Variants in OR52M1 observed in about 807,000 individuals in gnomAD.
The protein encoded by OR52M1 is olfactory receptor 52M1.
In OR52M1, 2 loss-of-function variants were observed where a neutral mutation model predicts 1.3. The ratio of observed to expected loss-of-function variants is 1.59; its 90% CI spans 0.65 to 5.01. OR52M1 has a LOEUF of 5.01. Among genes scored for constraint, OR52M1 ranks in the 30% most tolerant of loss-of-function variants. The pLI is 0.06. For missense variants in OR52M1, 585 were observed against 403.7 expected (o/e 1.45, Z -3.85); for synonymous variants, 234 against 151.4 (o/e 1.55, Z -4.01).
Position 4,545,195 on chromosome 11 carries a change from T to A in OR52M1, c.5T>A (p.Leu2His). 1.3e-6 allele frequency: 2 copies of A among 1,572,184 alleles called. No homozygotes were observed. Among genetic ancestry groups the A allele is most frequent in the African/African-American group, 1.4e-5 (1 of 73,464 alleles). ...AAGGTTCACATATAAATAGCCATGC[T>A]CACTTTTCATAATGTCTGCTCAGTA... The part of the protein sequence containing the change: M[L>H]TFHNVCSVPS... The change falls in exon 1 of 1, where the codon CTC becomes CAC. Residue 2 changes from leucine (L) to histidine (H), a missense_variant. Coordinates refer to ENST00000360213, the MANE Select transcript of OR52M1 (RefSeq NM_001004137.1).
rs751783645 is a variant in OR52M1, at chr11:4,545,483, C to T, written c.293C>T (p.Ala98Val). ...GGTGCTTGTGACATTGGCCTGGACG[C>T]CTGCTTGGGCCAAATGTTCCTTATC... is the stretch of plus-strand genomic sequence containing the variant. ...WFGACDIGLD[A>V]CLGQMFLIHC... Residue 98 changes from alanine (A) to valine (V), a missense_variant, in exon 1 of 1, where the codon GCC becomes GTC. By Grantham distance (64) the Ala-to-Val change is moderately conservative. Coordinates refer to ENST00000360213, the MANE Select transcript of OR52M1 (RefSeq NM_001004137.1). 7 of 1,614,106 alleles carry T rather than the reference C, an allele frequency of 4.3e-6. No individual in the cohort carries two copies. Among genetic ancestry groups the T allele is most frequent in the South Asian group, 1.1e-5 (1 of 91,064 alleles).
rs1406340694 is a variant in OR52M1 at position 4,545,890 on chromosome 11, C to CCTGAG, written c.701_705dup (p.Ala236LeufsTer19). On this transcript the variant is annotated frameshift_variant, in exon 1 of 1. Transcript: ENST00000360213. LOFTEE classifies it high-confidence loss of function. Reference sequence around the variant, plus strand: ...CAGGGCCGTGATGGGGTTAGCCACTCCTGAGGCTAGGCTTAAAACCCTGGG... The same window carrying CCTGAG: ...CAGGGCCGTGATGGGGTTAGCCACTCCTGAGCTGAGGCTAGGCTTAAAACCCTGGG... 4 of 1,614,070 alleles carry CCTGAG rather than the reference C, an allele frequency of 2.5e-6. No individual in the cohort carries two copies. Among genetic ancestry groups the CCTGAG allele is most frequent in the Non-Finnish European group, 3.4e-6 (4 of 1,179,984 alleles).
chr11:4,545,535 C>A lies in OR52M1; in HGVS notation c.345C>A (p.Gly115=). ...ACTGCTTTGCCACTGTTGAGTCAGGCATCTTCCTTGCCATGGCTTTTGATC... is the reference window on the plus strand; with the variant it reads ...ACTGCTTTGCCACTGTTGAGTCAGGAATCTTCCTTGCCATGGCTTTTGATC... ...LIHCFATVES[G]IFLAMAFDRY... Residue 115 remains glycine (G), a synonymous_variant, in exon 1 of 1, where the codon GGC becomes GGA. Coordinates refer to ENST00000360213, the MANE Select transcript of OR52M1 (RefSeq NM_001004137.1). 1 of 1,612,636 alleles carries A rather than the reference C, an allele frequency of 6.2e-7. No homozygotes were observed. The highest frequency in any genetic ancestry group is 8.5e-7 in the Non-Finnish European group (1 of 1,179,228).
rs768730986 is a variant in OR52M1 at position 4,545,895 on chromosome 11, G to T, written c.705G>T (p.Glu235Asp). 1.2e-6 allele frequency: 2 copies of T among 1,614,114 alleles called. No individual in the cohort carries two copies. Among genetic ancestry groups the T allele is most frequent in the Non-Finnish European group, 1.7e-6 (2 of 1,180,024 alleles). The change falls in exon 1 of 1, where the codon GAG (glutamate) becomes GAT (aspartate). Residue 235 changes from glutamate (E) to aspartate (D), a missense_variant. Coordinates refer to ENST00000360213, the MANE Select transcript of OR52M1 (RefSeq NM_001004137.1). Reference protein sequence around the residue: ...FRAVMGLATPEARLKTLGTCA... With the variant: ...FRAVMGLATPDARLKTLGTCA... ...CCGTGATGGGGTTAGCCACTCCTGA[G>T]GCTAGGCTTAAAACCCTGGGGACAT...
Position 4,545,878 on chromosome 11 carries a change from G to A in OR52M1, c.688G>A (p.Gly230Arg), listed in dbSNP as rs1222192678. 1.1e-5 allele frequency: 17 copies of A among 1,614,084 alleles called. No homozygotes were observed. Among genetic ancestry groups the A allele is most frequent in the Non-Finnish European group, 1.4e-5 (17 of 1,180,020 alleles). The change falls in exon 1 of 1, where the codon GGG becomes AGG. Residue 230 changes from glycine (G) to arginine (R), a missense_variant. Transcript: ENST00000360213. ...TGTGATGATTTTCAGGGCCGTGATG[G>A]GGTTAGCCACTCCTGAGGCTAGGCT... The part of the protein sequence containing the change: ...SYVMIFRAVM[G>R]LATPEARLKT...
chr11:4,545,637 T>C lies in OR52M1; in HGVS notation c.447T>C (p.Val149=), dbSNP rs1349376861. The C allele has an allele frequency of 1.9e-6, 3 of 1,613,700 alleles. No individual in the cohort carries two copies. The highest frequency in any genetic ancestry group is 2.5e-6 in the Non-Finnish European group (3 of 1,179,828). Residue 149 remains valine, a synonymous_variant, in exon 1 of 1, where the codon GTT becomes GTC. Coordinates refer to ENST00000360213, the MANE Select transcript of OR52M1 (RefSeq NM_001004137.1). ...CAGTGGTGGGTCGTTTGGGGCTTGTTTCTCTCCTCCGGGGTGTTCTCTACA... is the reference window on the plus strand; with the variant it reads ...CAGTGGTGGGTCGTTTGGGGCTTGTCTCTCTCCTCCGGGGTGTTCTCTACA... The part of the protein sequence containing the change: ...TYTVVGRLGL[V]SLLRGVLYIG...
chr11:4,546,079 G>A lies in OR52M1; in HGVS notation c.889G>A (p.Val297Ile), dbSNP rs1846953671. The change falls in exon 1 of 1, where the codon GTT (valine) becomes ATT (isoleucine). Residue 297 changes from valine to isoleucine, a missense_variant. Physicochemically the swap from Val to Ile is conservative, Grantham distance 29 (BLOSUM62 3). Transcript: ENST00000360213. The stretch of plus-strand genomic sequence containing the variant: ...AATCCTCAATCCCATTGTCTATGCT[G>A]TTCGCACCAAGCAGATCCGAGAGAG... ...PPILNPIVYA[V>I]RTKQIRESLL... The A allele has an allele frequency of 6.2e-7, 1 of 1,613,720 alleles. No homozygotes were observed. The highest frequency in any genetic ancestry group is 8.5e-7 in the Non-Finnish European group (1 of 1,179,910).
Position 4,546,033 on chromosome 11 carries a change from C to G in OR52M1, c.843C>G (p.Asn281Lys). The change falls in exon 1 of 1, where the codon AAC becomes AAG. Residue 281 changes from asparagine (N) to lysine (K), a missense_variant. Physicochemically the swap from Asn to Lys is moderately conservative, Grantham distance 94. Transcript: ENST00000360213. Reference protein sequence around the residue: ...VPPPVHTLLANFYLLIPPILN... With the variant: ...VPPPVHTLLAKFYLLIPPILN... ...CTCCAGTCCACACTCTGCTGGCCAA[C>G]TTCTATCTCCTCATTCCTCCAATCC... The G allele has an allele frequency of 1.9e-6, 3 of 1,614,120 alleles. No individual in the cohort carries two copies.
At position 4,545,853 on chromosome 11, in the gene OR52M1, T is replaced by C. The variant is rs761852142; in HGVS notation, c.663T>C (p.Tyr221=). 20 of 1,614,056 alleles carry C rather than the reference T, an allele frequency of 1.2e-5. No homozygotes were observed. The highest frequency in any genetic ancestry group is 2.7e-5 in the African/African-American group (2 of 74,920). The change falls in exon 1 of 1, where the codon TAT becomes TAC. Residue 221 remains tyrosine, a synonymous_variant. Transcript: ENST00000360213. ...ACTCAGTGGCTATTGCTGCATCCTA[T>C]GTGATGATTTTCAGGGCCGTGATGG... ...ILDSVAIAAS[Y]VMIFRAVMGL... is the part of the protein sequence containing the mutation.
chr11:4,545,381 T>G lies in OR52M1; in HGVS notation c.191T>G (p.Phe64Cys), dbSNP rs1846939051. Residue 64 changes from phenylalanine (F) to cysteine (C), a missense_variant, in exon 1 of 1, where the codon TTC becomes TGC. Physicochemically the swap from Phe to Cys is radical, Grantham distance 205 (BLOSUM62 -2). Coordinates refer to ENST00000360213, the MANE Select transcript of OR52M1 (RefSeq NM_001004137.1). ...AGCCTGCACCAGCCCATGTACTTTTTCTTGTGCATGTTGGCTGCCATTGAC... is the reference window on the plus strand; with the variant it reads ...AGCCTGCACCAGCCCATGTACTTTTGCTTGTGCATGTTGGCTGCCATTGAC... ...ERSLHQPMYF[F>C]LCMLAAIDLV... 1.9e-6 allele frequency: 3 copies of G among 1,614,146 alleles called. No homozygotes were observed. The Admixed American group carries it at 5.0e-5, about 27-fold the overall frequency.
Position 4,545,194 on chromosome 11 carries a change from C to G in OR52M1, c.4C>G (p.Leu2Val), listed in dbSNP as rs1298634167. 2 of 1,570,050 alleles carry G rather than the reference C, an allele frequency of 1.3e-6. No individual in the cohort carries two copies. The highest frequency in any genetic ancestry group is 1.4e-5 in the African/African-American group (1 of 73,256). Reference sequence around the variant, plus strand: ...GAAGGTTCACATATAAATAGCCATGCTCACTTTTCATAATGTCTGCTCAGT... The same window carrying G: ...GAAGGTTCACATATAAATAGCCATGGTCACTTTTCATAATGTCTGCTCAGT... Reference protein sequence around the residue: MLTFHNVCSVPS... With the variant: MVTFHNVCSVPS... The change falls in exon 1 of 1, where the codon CTC (leucine) becomes GTC (valine). Residue 2 changes from leucine to valine, a missense_variant. Leu to Val is a conservative substitution (Grantham distance 32). Coordinates refer to ENST00000360213, the MANE Select transcript of OR52M1 (RefSeq NM_001004137.1).
Position 4,545,968 on chromosome 11 carries a change from G to C in OR52M1, c.778G>C (p.Val260Leu), listed in dbSNP as rs367731643. The change falls in exon 1 of 1, where the codon GTT (valine) becomes CTT (leucine). Residue 260 changes from valine (V) to leucine (L), a missense_variant. Transcript: ENST00000360213. ...CCTGATCTTTTATGTTCCCATTGCTGTTTCTTCCCTGATTCACCGATTTGG... is the reference window on the plus strand; with the variant it reads ...CCTGATCTTTTATGTTCCCATTGCTCTTTCTTCCCTGATTCACCGATTTGG... ...AILIFYVPIA[V>L]SSLIHRFGQC... 3 of 1,614,048 alleles carry C rather than the reference G, an allele frequency of 1.9e-6. No homozygotes were observed. Among genetic ancestry groups the C allele is most frequent in the Middle Eastern group, 1.6e-4 (1 of 6,062 alleles).
rs750155291 is a variant in OR52M1, at chr11:4,545,813, T to A, written c.623T>A (p.Leu208Gln). 6.2e-7 allele frequency: 1 copy of A among 1,614,110 alleles called. No homozygotes were observed. The highest frequency in any genetic ancestry group is 1.3e-5 in the African/African-American group (1 of 74,940). Residue 208 changes from leucine (L) to glutamine (Q), a missense_variant, in exon 1 of 1, where the codon CTG (leucine) becomes CAG (glutamine). Physicochemically the swap from Leu to Gln is moderately radical, Grantham distance 113. Transcript: ENST00000360213. ...GTCTATGGGCTGAGCATCGGCTTTCTGGTGTTGATCCTGGACTCAGTGGCT... is the reference window on the plus strand; with the variant it reads ...GTCTATGGGCTGAGCATCGGCTTTCAGGTGTTGATCCTGGACTCAGTGGCT... ...NNVYGLSIGF[L>Q]VLILDSVAIA... is the part of the protein sequence containing the mutation.
rs1435904504 is a variant in OR52M1 at position 4,545,465 on chromosome 11, G to A, written c.275G>A (p.Cys92Tyr). 1 of 1,614,202 alleles carries A rather than the reference G, an allele frequency of 6.2e-7. No homozygotes were observed. Among genetic ancestry groups the A allele is most frequent in the Non-Finnish European group, 8.5e-7 (1 of 1,180,016 alleles). Residue 92 changes from cysteine (C) to tyrosine (Y), a missense_variant, in exon 1 of 1, where the codon TGT (cysteine) becomes TAT (tyrosine). Transcript: ENST00000360213. ...CTGGGAATCTTCTGGTTCGGTGCTTGTGACATTGGCCTGGACGCCTGCTTG... is the reference window on the plus strand; with the variant it reads ...CTGGGAATCTTCTGGTTCGGTGCTTATGACATTGGCCTGGACGCCTGCTTG... ...KLLGIFWFGA[C>Y]DIGLDACLGQ...
At position 4,545,698 on chromosome 11, in the gene OR52M1, C is replaced by T; in HGVS notation, c.508C>T (p.Pro170Ser). 6.2e-7 allele frequency: 1 copy of T among 1,613,180 alleles called. No individual in the cohort carries two copies. Among genetic ancestry groups the T allele is most frequent in the Non-Finnish European group, 8.5e-7 (1 of 1,179,580 alleles). ...PLPLMIRLRL[P>S]LYKTHVISHS... Reference sequence around the variant, plus strand: ...GCCTCTGATGATCCGCCTGCGGCTGCCCCTTTATAAAACCCATGTTATCTC... The same window carrying T: ...GCCTCTGATGATCCGCCTGCGGCTGTCCCTTTATAAAACCCATGTTATCTC... The change falls in exon 1 of 1, where the codon CCC (proline) becomes TCC (serine). Residue 170 changes from proline (P) to serine (S), a missense_variant. By Grantham distance (74) the Pro-to-Ser change is moderately conservative. Transcript: ENST00000360213.
In OR52M1 at chr11:4,545,300, A is replaced by G. The variant is rs760717450; in HGVS notation, c.110A>G (p.Tyr37Cys). The G allele has an allele frequency of 6.2e-7, 1 of 1,614,082 alleles. No individual in the cohort carries two copies. Among genetic ancestry groups the G allele is most frequent in the South Asian group, 1.1e-5 (1 of 91,070 alleles). The change falls in exon 1 of 1, where the codon TAC becomes TGC. Residue 37 changes from tyrosine to cysteine, a missense_variant. Coordinates refer to ENST00000360213, the MANE Select transcript of OR52M1 (RefSeq NM_001004137.1). The part of the protein sequence containing the change: ...VWLSIPFGSM[Y>C]LVAVVGNVTI... The stretch of plus-strand genomic sequence containing the variant: ...CTCTCCATCCCCTTTGGCTCCATGT[A>G]CCTGGTGGCTGTGGTGGGGAATGTG...
Position 4,545,432 on chromosome 11 carries a change from C to A in OR52M1, c.242C>A (p.Pro81His), listed in dbSNP as rs1408030892. The change falls in exon 1 of 1, where the codon CCC becomes CAC. Residue 81 changes from proline (P) to histidine (H), a missense_variant. Physicochemically the swap from Pro to His is moderately conservative, Grantham distance 77. Transcript: ENST00000360213. ...CTGGTTCTGTCTACTTCCACTATAC[C>A]CAAACTTCTGGGAATCTTCTGGTTC... ...IDLVLSTSTIPKLLGIFWFGA... is the reference protein window; with the variant it reads ...IDLVLSTSTIHKLLGIFWFGA... 8 of 1,614,150 alleles carry A rather than the reference C, an allele frequency of 5.0e-6. No homozygotes were observed. The highest frequency in any genetic ancestry group is 6.8e-6 in the Non-Finnish European group (8 of 1,180,010).
rs775331137 is a variant in OR52M1 at position 4,546,039 on chromosome 11, T to C, written c.849T>C (p.Tyr283=). 5.0e-6 allele frequency: 8 copies of C among 1,614,150 alleles called. No homozygotes were observed. The highest frequency in any genetic ancestry group is 6.8e-6 in the Non-Finnish European group (8 of 1,180,000). The stretch of plus-strand genomic sequence containing the variant: ...TCCACACTCTGCTGGCCAACTTCTA[T>C]CTCCTCATTCCTCCAATCCTCAATC... ...PPVHTLLANF[Y]LLIPPILNPI... The change falls in exon 1 of 1, where the codon TAT becomes TAC. Residue 283 remains tyrosine, a synonymous_variant. Transcript: ENST00000360213.
rs538523839 is a variant in OR52M1 at position 4,546,082 on chromosome 11, C to T, written c.892C>T (p.Arg298Cys). 69 of 1,613,518 alleles carry T rather than the reference C, an allele frequency of 4.3e-5. No homozygotes were observed. The Admixed American group carries it at 4.5e-4, about 11-fold the overall frequency. ...PILNPIVYAVRTKQIRESLLQ... is the reference protein window; with the variant it reads ...PILNPIVYAVCTKQIRESLLQ... ...CCTCAATCCCATTGTCTATGCTGTT[C>T]GCACCAAGCAGATCCGAGAGAGCCT... Residue 298 changes from arginine (R) to cysteine (C), a missense_variant, in exon 1 of 1, where the codon CGC (arginine) becomes TGC (cysteine). Arg to Cys is a radical substitution (Grantham distance 180). Coordinates refer to ENST00000360213, the MANE Select transcript of OR52M1 (RefSeq NM_001004137.1).
Sources: gnomAD v4.1 joint callset for allele counts on GRCh38, gnomAD v4.1.1 for gene constraint, MANE v1.5 for transcripts, NCBI Gene and HGNC (gene_info 2026-07-23, HGNC 2026-07-21) for gene names.